The following CACNA2D1 variants were observed in gnomAD, a reference collection of about 807,000 sequenced individuals.
CACNA2D1 encodes calcium voltage-gated channel auxiliary subunit alpha2delta 1.
A neutral mutation model predicts 171.5 loss-of-function variants in CACNA2D1; 53 were observed. The ratio of observed to expected loss-of-function variants is 0.31; its 90% CI spans 0.25 to 0.39. CACNA2D1 has a LOEUF of 0.39. CACNA2D1 is among the 10% of genes least tolerant of loss of function. The pLI is 1.00. For missense variants in CACNA2D1, 903 were observed against 1,299.8 expected (o/e 0.69, Z 4.69); for synonymous variants, 442 against 443.1 (o/e 1.00, Z 0.03).
intron 3 of CACNA2D1, among the ~76,000 whole-genome samples, chr7:82,207,033 T>C (rs1008701748): frequency 1.1e-4 from 16 of 152,210 alleles, no homozygotes; most frequent in Non-Finnish European, 1.5e-4. Context: ...CAGGTGATTG[T>C]AAATGTTCGC....
At chr7:82,130,320 T>C (rs184984657) in intron 5 of CACNA2D1, among the ~76,000 whole-genome samples, 8 of 152,268 alleles carry the variant, frequency 5.3e-5, no homozygotes, top group African/African-American at 1.9e-4. Flanking sequence ...TGCCAAACAT[T>C]ATATGTTCCG....
Position 81,949,624 on chromosome 7 carries a change from G to A in CACNA2D1, c.*768C>T, listed in dbSNP as rs1792312331. 1 of 151,984 alleles carries A rather than the reference G, an allele frequency of 6.6e-6. No homozygotes were observed. The highest frequency in any genetic ancestry group is 1.5e-5 in the Non-Finnish European group (1 of 68,006). The allele number at this position is 151,984 out of a possible 1,614,324, so 9.4% of individuals were successfully genotyped here. On this transcript the variant is annotated 3_prime_UTR_variant, in exon 39 of 39. Coordinates refer to ENST00000356860, the MANE Select transcript of CACNA2D1 (RefSeq NM_000722.4). ...TACATAACTGTACTGTGAACAAAAG[G>A]AACATTACATCAAAGCATTTATTAA... is the stretch of plus-strand genomic sequence containing the variant.
intron 4 of CACNA2D1, among the ~76,000 whole-genome samples, chr7:82,138,668 G>C (rs2129083114): frequency 6.6e-6 from 1 of 151,896 alleles, no homozygotes; most frequent in Admixed American, 6.6e-5. Flanking sequence ...GGATGGTCTT[G>C]ATCTCCTGAC....
At chr7:81,962,939 T>C (rs1794313421) in intron 34 of CACNA2D1, among the ~76,000 whole-genome samples, 8 of 152,062 alleles carry the variant, frequency 5.3e-5, no homozygotes, top group Admixed American at 5.3e-4. Flanking sequence ...TACTTTGTAA[T>C]ATAGAATATA....
Position 82,220,781 on chromosome 7 carries a change from C to CTTTTT in CACNA2D1, c.295-50177_295-50173dup, listed in dbSNP as rs71093369. 5.2e-5 allele frequency among the ~76,000 whole-genome samples: 7 copies of CTTTTT among 134,424 alleles called. No homozygotes were observed. In the East Asian group the frequency reaches 1.3e-3, roughly 26 times the overall value. 88.2% of individuals were successfully genotyped at this position (134,424 alleles called of 152,430 possible). On this transcript the variant is annotated intron_variant, in intron 3 of 38. Transcript: ENST00000356860. ...AGAAAAGTTTCTTTCTTTCTTTTTT[C>CTTTTT]TTTTTTTTTTTTTTTGAGATGGAAT...
intron 1 of CACNA2D1, among the ~76,000 whole-genome samples, chr7:82,375,681 C>G (rs1347117073): frequency 6.6e-6 from 1 of 152,164 alleles, no homozygotes; most frequent in Non-Finnish European, 1.5e-5. Flanking sequence ...ATTTTCTCCT[C>G]CATAAAGAAG....
chr7:82,010,052 T>G (rs1219986582), intron 15 of CACNA2D1, among the ~76,000 whole-genome samples: 1 of 152,020 alleles, frequency 6.6e-6, no homozygotes, highest in Non-Finnish European at 1.5e-5. Context: ...GGTTTCACTT[T>G]TCACCACCAA....
chr7:82,000,976 T>A (rs1798554482), intron 18 of CACNA2D1, among the ~76,000 whole-genome samples: 1 of 151,966 alleles, frequency 6.6e-6, no homozygotes, highest in African/African-American at 2.4e-5. Flanking sequence ...ACCTACACAA[T>A]CTTAAATAAT....
At chr7:82,389,231 G>A (rs115787726) in intron 1 of CACNA2D1, among the ~76,000 whole-genome samples, 1,900 of 149,640 alleles carry the variant, frequency 0.013, 39 homozygotes, top group African/African-American at 0.044. Context: ...AAGAAAACAA[G>A]GATGGGAGTT....
intron 6 of CACNA2D1, among the ~76,000 whole-genome samples, chr7:82,085,158 T>C (rs1035801961): frequency 6.6e-6 from 1 of 152,152 alleles, no homozygotes; most frequent in African/African-American, 2.4e-5. Flanking sequence ...AACAAAACTT[T>C]GTATGACAGT....
At chr7:82,400,948 T>G (rs200541660) in intron 1 of CACNA2D1, among the ~76,000 whole-genome samples, 3,177 of 152,024 alleles carry the variant, frequency 0.021, 117 homozygotes, top group East Asian at 0.12. Context: ...AAAAAACACA[T>G]GAAAAAATGC....
intron 4 of CACNA2D1, among the ~76,000 whole-genome samples, chr7:82,146,463 A>T (rs4732427): frequency 0.24 from 28,497 of 119,602 alleles, 4,190 homozygotes; most frequent in East Asian, 0.36. Context: ...GATATATATA[A>T]ATATATATCT....
At chr7:82,296,342 T>A (rs1488869263) in intron 3 of CACNA2D1, among the ~76,000 whole-genome samples, 2 of 152,090 alleles carry the variant, frequency 1.3e-5, no homozygotes, top group Non-Finnish European at 2.9e-5. Context: ...GATTAACATC[T>A]CAGAGCATTT....
At chr7:82,404,125 AC>A (rs1186008278) in intron 1 of CACNA2D1, among the ~76,000 whole-genome samples, 1 of 152,196 alleles carries the variant, frequency 6.6e-6, no homozygotes, top group Non-Finnish European at 1.5e-5. Flanking sequence ...CCAAAGGACG[AC>A]ACCAAGGAAC....
At chr7:82,045,812 C>A (rs1804485767) in intron 10 of CACNA2D1, among the ~76,000 whole-genome samples, 1 of 152,092 alleles carries the variant, frequency 6.6e-6, no homozygotes, top group South Asian at 2.1e-4. Context: ...TTTTAATAGG[C>A]TTCCCATTAT....
At chr7:82,299,336 A>C (rs767583837) in intron 3 of CACNA2D1, among the ~76,000 whole-genome samples, 12 of 152,028 alleles carry the variant, frequency 7.9e-5, no homozygotes. Flanking sequence ...TTTTCTCAGA[A>C]AGAACAGTGA....
chr7:82,066,466 G>C lies in CACNA2D1; in HGVS notation c.717C>G (p.Arg239=). 6.2e-7 allele frequency: 1 copy of C among 1,608,666 alleles called. No homozygotes were observed. The highest frequency in any genetic ancestry group is 8.5e-7 in the Non-Finnish European group (1 of 1,178,512). ...TPNKIDLYDV[R]RRPWYIQGAA... ...CTAAAAATTCTTACCATGGTCTTCTGCGTACATCATAAAGGTCAATCTTAT... is the reference window on the plus strand; with the variant it reads ...CTAAAAATTCTTACCATGGTCTTCTCCGTACATCATAAAGGTCAATCTTAT... Residue 239 remains arginine (R), a synonymous_variant, in exon 8 of 39, where the codon CGC becomes CGG. Coordinates refer to ENST00000356860, the MANE Select transcript of CACNA2D1 (RefSeq NM_000722.4).
intron 2 of CACNA2D1, among the ~76,000 whole-genome samples, chr7:82,341,318 A>C (rs938355057): frequency 6.6e-6 from 1 of 152,124 alleles, no homozygotes; most frequent in Non-Finnish European, 1.5e-5. Flanking sequence ...ATCACACAGA[A>C]ATGTTGAGAA....
intron 1 of CACNA2D1, among the ~76,000 whole-genome samples, chr7:82,423,218 C>CAT (rs1485103010): frequency 6.6e-6 from 1 of 151,788 alleles, no homozygotes; most frequent in Non-Finnish European, 1.5e-5. Context: ...TATATATATA[C>CAT]ATATATATAC....
Sources: gnomAD v4.1 joint callset for allele counts (sites outside exome capture counted in the v4.1 genomes callset) on GRCh38, gnomAD v4.1.1 for gene constraint, MANE v1.5 for transcripts, NCBI Gene and HGNC (gene_info 2026-07-23, HGNC 2026-07-21) for gene names.